PTPRD: variants seen among roughly 807,000 people sequenced by gnomAD.
The protein encoded by PTPRD is receptor-type tyrosine-protein phosphatase delta.
A neutral mutation model predicts 214.5 loss-of-function variants in PTPRD; 34 were observed. That is an observed-to-expected ratio of 0.16 (90% CI 0.12 to 0.21). PTPRD has a LOEUF of 0.21. Among genes scored for constraint, PTPRD ranks in the 10% least tolerant of loss-of-function variants. PTPRD has a pLI of 1.00. For synonymous variants in PTPRD, 1,128 were observed against 845.7 expected, an observed-to-expected ratio of 1.33 and a Z score of -5.79; for missense variants, 2,545 against 2,398.7, an observed-to-expected ratio of 1.06 and a Z score of -1.27.
chr9:10,310,374 G>A (rs2096236094), intron 3 of PTPRD, among the ~76,000 whole-genome samples: 1 of 151,978 alleles, frequency 6.6e-6, no homozygotes, highest in Non-Finnish European at 1.5e-5. Flanking sequence ...CATGATTTCA[G>A]AAGTACAGAG....
intron 11 of PTPRD, among the ~76,000 whole-genome samples, chr9:8,840,030 T>G (rs183631675): frequency 1.3e-3 from 196 of 152,324 alleles, no homozygotes; most frequent in Admixed American, 2.6e-3. Flanking sequence ...AGCAACATAT[T>G]TTTCCTGTTT....
At chr9:8,432,096 G>C (rs957954099) in intron 35 of PTPRD, among the ~76,000 whole-genome samples, 1 of 152,158 alleles carries the variant, frequency 6.6e-6, no homozygotes, top group Non-Finnish European at 1.5e-5. Flanking sequence ...GCCAGCCTAA[G>C]ATTTTGTTTG....
chr9:10,278,817 C>T (rs991961845), intron 3 of PTPRD, among the ~76,000 whole-genome samples: 12 of 150,846 alleles, frequency 8.0e-5, no homozygotes, highest in African/African-American at 2.7e-4. Context: ...CTCTGTTGCC[C>T]AGGCTGGAGT....
intron 3 of PTPRD, among the ~76,000 whole-genome samples, chr9:10,226,828 C>T (rs184678805): frequency 1.3e-5 from 2 of 152,062 alleles, no homozygotes; most frequent in Non-Finnish European, 2.9e-5. Context: ...ATGTTTTTTC[C>T]ACTACGTCTA....
At chr9:9,010,198 A>G (rs1216366423) in intron 11 of PTPRD, among the ~76,000 whole-genome samples, 2 of 152,206 alleles carry the variant, frequency 1.3e-5, no homozygotes, top group African/African-American at 2.4e-5. Context: ...ACAATGTTAG[A>G]AAGTAACAGA....
intron 2 of PTPRD, among the ~76,000 whole-genome samples, chr9:10,593,114 A>G (rs553529991): frequency 6.6e-5 from 10 of 152,168 alleles, no homozygotes; most frequent in African/African-American, 2.4e-4. Context: ...ACAGTAGAAT[A>G]TAATACAATG....
chr9:9,547,765 A>G (rs2079136555), intron 8 of PTPRD, among the ~76,000 whole-genome samples: 1 of 150,640 alleles, frequency 6.6e-6, no homozygotes, highest in African/African-American at 2.4e-5. Context: ...TATAAAACCA[A>G]AAATCTAAGA....
intron 44 of PTPRD, among the ~76,000 whole-genome samples, chr9:8,330,887 C>G (rs990380465): frequency 1.1e-4 from 17 of 150,076 alleles, no homozygotes; most frequent in African/African-American, 4.0e-4. Context: ...GTTGCCAGAA[C>G]CCTAAAATAT....
At chr9:9,500,404 G>A (rs780147746) in intron 8 of PTPRD, among the ~76,000 whole-genome samples, 17 of 152,032 alleles carry the variant, frequency 1.1e-4, no homozygotes, top group Non-Finnish European at 1.8e-4. Flanking sequence ...TTTCTTCCCA[G>A]CAGAATTTTC....
intron 12 of PTPRD, among the ~76,000 whole-genome samples, chr9:8,686,143 T>C (rs984235075): frequency 1.3e-5 from 2 of 152,238 alleles, no homozygotes; most frequent in Non-Finnish European, 2.9e-5. Context: ...CAGCGTACAA[T>C]ATGACTCAAT....
chr9:9,434,345 C>T (rs993962), intron 8 of PTPRD, among the ~76,000 whole-genome samples: 56,967 of 151,894 alleles, frequency 0.38, 11,286 homozygotes, highest in Middle Eastern at 0.59. Flanking sequence ...CTATAAAACA[C>T]TGATAAACGA....
chr9:9,235,310 G>T (rs994659984), intron 9 of PTPRD, among the ~76,000 whole-genome samples: 1 of 152,126 alleles, frequency 6.6e-6, no homozygotes, highest in Non-Finnish European at 1.5e-5. Context: ...TGGGAACTAC[G>T]ATTCAAGATG....
chr9:9,456,957 T>C (rs754273865), intron 8 of PTPRD, among the ~76,000 whole-genome samples: 6 of 151,950 alleles, frequency 3.9e-5, no homozygotes, highest in Admixed American at 6.6e-5. Flanking sequence ...GACACCACAA[T>C]ATCACAGAAC....
chr9:9,307,395 C>T (rs1428901722), intron 9 of PTPRD, among the ~76,000 whole-genome samples: 4 of 152,108 alleles, frequency 2.6e-5, no homozygotes, highest in African/African-American at 9.7e-5. Context: ...CTCATCCAAG[C>T]CTAAATTTTA....
chr9:10,280,988 G>A (rs2095073081), intron 3 of PTPRD, among the ~76,000 whole-genome samples: 1 of 152,126 alleles, frequency 6.6e-6, no homozygotes, highest in Non-Finnish European at 1.5e-5. Context: ...AGAACCACTG[G>A]TCTAGAAAGA....
Position 8,933,340 on chromosome 9 carries a change from G to GTTTTTTTT in PTPRD, c.-104+85349_-104+85356dup, listed in dbSNP as rs71317383. Among the ~76,000 whole-genome samples the GTTTTTTTT allele has an allele frequency of 9.9e-4, 80 of 80,410 alleles. 9 individuals carry two copies. The highest frequency in any genetic ancestry group is 3.1e-3 in the South Asian group (6 of 1,930). 52.8% of individuals were successfully genotyped at this position (80,410 alleles called of 152,430 possible). On this transcript the variant is annotated intron_variant, in intron 11 of 45. Coordinates refer to ENST00000381196, the MANE Select transcript of PTPRD (RefSeq NM_002839.4). ...CCATCTTGCCAGCCACAACCTTGAGGTTTTTTTTTTTTTTTTTTTTTTTAC... is the reference window on the plus strand; with the variant it reads ...CCATCTTGCCAGCCACAACCTTGAGGTTTTTTTTTTTTTTTTTTTTTTTTTTTTTTTAC...
intron 5 of PTPRD, among the ~76,000 whole-genome samples, chr9:9,784,881 C>T (rs1225316379): frequency 6.7e-6 from 1 of 148,364 alleles, no homozygotes; most frequent in Non-Finnish European, 1.5e-5. Flanking sequence ...CACACACACG[C>T]ACACACCTAT....
At position 8,914,338 on chromosome 9, in the gene PTPRD, AACAATATTAC is replaced by A. The variant is rs1204177712; in HGVS notation, c.-104+104349_-104+104358del. On this transcript the variant is annotated intron_variant, in intron 11 of 45. Coordinates refer to ENST00000381196, the MANE Select transcript of PTPRD (RefSeq NM_002839.4). ...GAACTAAAATTTGTTCTTACCAAATAACAATATTACACTTTGCCATTTGTTCTGTTTTGCC... is the reference window on the plus strand; with the variant it reads ...GAACTAAAATTTGTTCTTACCAAATAACTTTGCCATTTGTTCTGTTTTGCC... Among the ~76,000 whole-genome samples, 3 of 152,194 alleles carry A rather than the reference AACAATATTAC, an allele frequency of 2.0e-5. No homozygotes were observed. The East Asian group carries it at 5.8e-4, about 29-fold the overall frequency.
intron 3 of PTPRD, among the ~76,000 whole-genome samples, chr9:10,192,445 G>GAAAAAAAA (rs552289562): frequency 1.4e-5 from 1 of 72,646 alleles, no homozygotes; most frequent in Admixed American, 1.6e-4. Context: ...CACGATCCAG[G>GAAAAAAAA]AAAAAAAAAA....
Sources: gnomAD v4.1 joint callset for allele counts (sites outside exome capture counted in the v4.1 genomes callset) on GRCh38, gnomAD v4.1.1 for gene constraint, MANE v1.5 for transcripts, NCBI Gene and HGNC (gene_info 2026-07-23, HGNC 2026-07-21) for gene names.